GNAL: variants seen among roughly 807,000 people sequenced by gnomAD.
GNAL encodes G protein subunit alpha L, also known as guanine nucleotide-binding protein G(olf) subunit alpha.
GNAL carries 18 observed loss-of-function variants against 55.1 expected under a neutral mutation model. The observed-to-expected ratio is 0.33, with a 90% CI of 0.23 to 0.48. The LOEUF (loss-of-function observed/expected upper bound fraction) is 0.48. Ranked by LOEUF, GNAL falls within the 20% of genes least tolerant of loss-of-function variation. GNAL has a pLI of 0.99. For missense variants in GNAL, 412 were observed against 614.1 expected (o/e 0.67, Z 3.48); for synonymous variants, 253 against 237.0 (o/e 1.07, Z -0.62).
intron 1 of GNAL, among the ~76,000 whole-genome samples, chr18:11,709,808 A>G (rs769149162): frequency 3.9e-5 from 6 of 152,030 alleles, no homozygotes; most frequent in Non-Finnish European, 8.8e-5. Flanking sequence ...TCTTGCCTAT[A>G]TGCTTTGGCT....
chr18:11,798,740 G>C (rs1324602618), intron 4 of GNAL, among the ~76,000 whole-genome samples: 1 of 152,080 alleles, frequency 6.6e-6, no homozygotes, highest in Admixed American at 6.6e-5. Flanking sequence ...CTCTTGTTCA[G>C]CAATATTTAT....
chr18:11,885,535 G>T lies in GNAL; in HGVS notation c.*4400G>T. The T allele has an allele frequency of 1.0e-6, 1 of 978,976 alleles. No individual in the cohort carries two copies. The highest frequency in any genetic ancestry group is 1.5e-6 in the Non-Finnish European group (1 of 655,908). The allele number at this position is 978,976 out of a possible 1,614,324, so 60.6% of individuals were successfully genotyped here. A position where few individuals can be genotyped will look rare whatever the true frequency, so the allele number is the denominator to read the frequency against. On this transcript the variant is annotated 3_prime_UTR_variant, in exon 12 of 12. Coordinates refer to ENST00000334049, the MANE Select transcript of GNAL (RefSeq NM_182978.4). The stretch of plus-strand genomic sequence containing the variant: ...GGAAGGGTGTTTGGCAAGGGGCAGT[G>T]TATGGAGCTACGTGTAGAAGGAGAG...
chr18:11,800,383 G>A (rs1378235385), intron 4 of GNAL, among the ~76,000 whole-genome samples: 1 of 152,240 alleles, frequency 6.6e-6, no homozygotes, highest in Non-Finnish European at 1.5e-5. Context: ...TGGGAGAATT[G>A]CTGAACATGT....
rs561359303 is a variant in GNAL, at chr18:11,850,594, T to C, written c.723-11801T>C. Among the ~76,000 whole-genome samples the C allele has an allele frequency of 2.2e-4, 34 of 152,330 alleles. No individual in the cohort carries two copies. In the South Asian group the frequency reaches 3.7e-3, roughly 17 times the overall value. The stretch of plus-strand genomic sequence containing the variant: ...ATGCCCGTGGGTGTGGGTCCTGATA[T>C]CTCAACATACTCTGCCTGCATAATT... On this transcript the variant is annotated intron_variant, in intron 5 of 11. Transcript: ENST00000334049.
intron 5 of GNAL, among the ~76,000 whole-genome samples, chr18:11,860,502 CAA>C (rs1292076622): frequency 6.6e-6 from 1 of 152,154 alleles, no homozygotes; most frequent in Non-Finnish European, 1.5e-5. Context: ...AGTGAACTAA[CAA>C]AGACGGATTA....
intron 1 of GNAL, among the ~76,000 whole-genome samples, chr18:11,703,480 G>A (rs1014972563): frequency 1.5e-4 from 23 of 152,264 alleles, no homozygotes; most frequent in South Asian, 4.1e-4. Context: ...ATAAAGTAGT[G>A]CCAATTAAGA....
chr18:11,812,928 G>A (rs2034856000), intron 4 of GNAL, among the ~76,000 whole-genome samples: 2 of 151,962 alleles, frequency 1.3e-5, no homozygotes, highest in African/African-American at 4.8e-5. Flanking sequence ...TCTATATGCT[G>A]AAAACTACAA....
intron 1 of GNAL, among the ~76,000 whole-genome samples, chr18:11,734,379 G>C (rs866755109): frequency 6.6e-6 from 1 of 151,992 alleles, no homozygotes; most frequent in Admixed American, 6.6e-5. Context: ...TTGACCTCGT[G>C]ATCCACCCGC....
chr18:11,847,566 T>A (rs761129168), intron 5 of GNAL, among the ~76,000 whole-genome samples: 1 of 152,172 alleles, frequency 6.6e-6, no homozygotes, highest in Non-Finnish European at 1.5e-5. Flanking sequence ...CTTCCCCATT[T>A]CATGATAAAA....
chr18:11,850,544 T>C (rs1234553103), intron 5 of GNAL, among the ~76,000 whole-genome samples: 1 of 152,186 alleles, frequency 6.6e-6, no homozygotes, highest in Non-Finnish European at 1.5e-5. Flanking sequence ...TTAAAGGGCG[T>C]AATACATAGT....
chr18:11,853,594 T>TTTA (rs1158867749), intron 5 of GNAL: 1 of 167,018 alleles, frequency 6.0e-6, no homozygotes, highest in Admixed American at 6.5e-5. Context: ...TTCACTATTA[T>TTTA]AACATGTTTC....
At chr18:11,879,349 C>T (rs1049305114) in intron 11 of GNAL, among the ~76,000 whole-genome samples, 1 of 151,984 alleles carries the variant, frequency 6.6e-6, no homozygotes, top group African/African-American at 2.4e-5. Flanking sequence ...ATTCTCGTGG[C>T]ACCAAGGAAG....
Position 11,884,809 on chromosome 18 carries a change from G to C in GNAL, c.*3674G>C. On this transcript the variant is annotated 3_prime_UTR_variant, in exon 12 of 12. Coordinates refer to ENST00000334049, the MANE Select transcript of GNAL (RefSeq NM_182978.4). ...TCCCTGCACAGCTCACCCCCGACCAGCCCAGGCTCCAGCAGGAGAGACAAG... is the reference window on the plus strand; with the variant it reads ...TCCCTGCACAGCTCACCCCCGACCACCCCAGGCTCCAGCAGGAGAGACAAG... The C allele has an allele frequency of 2.2e-6, 3 of 1,393,432 alleles. No homozygotes were observed. Among genetic ancestry groups the C allele is most frequent in the Non-Finnish European group, 2.8e-6 (3 of 1,067,320 alleles). The allele number at this position is 1,393,432 out of a possible 1,614,324, so 86.3% of individuals were successfully genotyped here. A position where few individuals can be genotyped will look rare whatever the true frequency, so the allele number is the denominator to read the frequency against.
intron 5 of GNAL, among the ~76,000 whole-genome samples, chr18:11,851,219 A>C (rs1254560990): frequency 6.6e-6 from 1 of 152,240 alleles, no homozygotes; most frequent in African/African-American, 2.4e-5. Context: ...ACCGGGTAGA[A>C]CGCAGCGCAG....
At chr18:11,694,577 A>G (rs2031351446) in intron 1 of GNAL, among the ~76,000 whole-genome samples, 1 of 152,182 alleles carries the variant, frequency 6.6e-6, no homozygotes, top group South Asian at 2.1e-4. Flanking sequence ...AAGACAAGGA[A>G]TCATGGGGTC....
intron 4 of GNAL, among the ~76,000 whole-genome samples, chr18:11,756,948 G>A (rs1189057124): frequency 6.6e-6 from 1 of 151,960 alleles, no homozygotes; most frequent in East Asian, 1.9e-4. Flanking sequence ...ATTATTTGAG[G>A]GTCTTAAGTT....
At chr18:11,761,486 T>A (rs1023442364) in intron 4 of GNAL, among the ~76,000 whole-genome samples, 1 of 152,190 alleles carries the variant, frequency 6.6e-6, no homozygotes, top group African/African-American at 2.4e-5. Flanking sequence ...TTTCTCTACC[T>A]TATTTTCAGT....
chr18:11,696,216 A>G (rs1165889705), intron 1 of GNAL, among the ~76,000 whole-genome samples: 1 of 152,112 alleles, frequency 6.6e-6, no homozygotes, highest in Non-Finnish European at 1.5e-5. Context: ...AGCATAACAC[A>G]TCCTGGCCGA....
chr18:11,771,237 AAAG>A (rs911723745), intron 4 of GNAL, among the ~76,000 whole-genome samples: 3 of 151,880 alleles, frequency 2.0e-5, no homozygotes, highest in East Asian at 1.9e-4. Flanking sequence ...AAAAAGAAAA[AAAG>A]AGATTATCAT....
Sources: gnomAD v4.1 joint callset for allele counts (sites outside exome capture counted in the v4.1 genomes callset) on GRCh38, gnomAD v4.1.1 for gene constraint, MANE v1.5 for transcripts, NCBI Gene and HGNC (gene_info 2026-07-23, HGNC 2026-07-21) for gene names.